Variants in ZNF77 observed in about 807,000 individuals in gnomAD.
ZNF77 encodes zinc finger protein 77.
A neutral mutation model predicts 13.5 loss-of-function variants in ZNF77; 15 were observed. The observed-to-expected ratio is 1.11, with a 90% CI of 0.74 to 1.71. The LOEUF (loss-of-function observed/expected upper bound fraction) is 1.71. Among genes scored for constraint, ZNF77 ranks in the 40% most tolerant of loss-of-function variants. The pLI is 0.00. For missense variants in ZNF77, 717 were observed against 676.4 expected (o/e 1.06, Z -0.67); for synonymous variants, 282 against 250.0 (o/e 1.13, Z -1.21).
In ZNF77 at chr19:2,944,867, G is replaced by C. The variant is rs1234698810; in HGVS notation, c.-27C>G. ...TCCCGCCCGCTCCTGGGCTCTCCAGGGTTAGCGCCCCGCGGTCCAGCGACC... is the reference window on the plus strand; with the variant it reads ...TCCCGCCCGCTCCTGGGCTCTCCAGCGTTAGCGCCCCGCGGTCCAGCGACC... On this transcript the variant is annotated 5_prime_UTR_variant, in exon 1 of 4. Coordinates refer to ENST00000314531, the MANE Select transcript of ZNF77 (RefSeq NM_021217.3). 3.9e-6 allele frequency: 6 copies of C among 1,524,342 alleles called. No homozygotes were observed. In the African/African-American group the frequency reaches 5.6e-5, roughly 14 times the overall value. The allele number at this position is 1,524,342 out of a possible 1,614,324, so 94.4% of individuals were successfully genotyped here.
intron 1 of ZNF77, among the ~76,000 whole-genome samples, chr19:2,942,569 T>C (rs546592607): frequency 1.1e-4 from 17 of 151,842 alleles, no homozygotes; most frequent in Middle Eastern, 3.4e-3. Flanking sequence ...ATAGGAACAA[T>C]ACCAATGCTG....
Position 2,933,782 on chromosome 19 carries a change from A to C in ZNF77, c.1345T>G (p.Ser449Ala). 2 of 1,612,980 alleles carry C rather than the reference A, an allele frequency of 1.2e-6. No homozygotes were observed. The highest frequency in any genetic ancestry group is 2.2e-5 in the South Asian group (2 of 91,050). Reference sequence around the variant, plus strand: ...GTTCGCACATGCTCTCGAAGGGAGGAGTGACAGCTGAAGGCTTTCCCACAA... The same window carrying C: ...GTTCGCACATGCTCTCGAAGGGAGGCGTGACAGCTGAAGGCTTTCCCACAA... ...KHCGKAFSCH[S>A]SLREHVRTHS... The change falls in exon 4 of 4, where the codon TCC becomes GCC. Residue 449 changes from serine (S) to alanine (A), a missense_variant. Ser to Ala is a moderately conservative substitution (Grantham distance 99). Transcript: ENST00000314531.
Position 2,944,818 on chromosome 19 carries a change from G to A in ZNF77, c.3+20C>T, listed in dbSNP as rs1340756305. 7 of 1,514,350 alleles carry A rather than the reference G, an allele frequency of 4.6e-6. No homozygotes were observed. The highest frequency in any genetic ancestry group is 2.3e-4 in the Middle Eastern group (1 of 4,374). 93.8% of individuals were successfully genotyped at this position (1,514,350 alleles called of 1,614,324 possible). A position where few individuals can be genotyped will look rare whatever the true frequency, so the allele number is the denominator to read the frequency against. ...CCCACCTCGCCCTGGGCCCGGGCTC[G>A]GCTCCCGCCCGGCACTCACCATGTC... On this transcript the variant is annotated intron_variant, in intron 1 of 3. Transcript: ENST00000314531.
rs550401145 is a variant in ZNF77, at chr19:2,944,882, G to A, written c.-42C>T. ...GGCTCTCCAGGGTTAGCGCCCCGCGGTCCAGCGACCGGCGCAGGTGAGCAC... is the reference window on the plus strand; with the variant it reads ...GGCTCTCCAGGGTTAGCGCCCCGCGATCCAGCGACCGGCGCAGGTGAGCAC... On this transcript the variant is annotated 5_prime_UTR_variant, in exon 1 of 4. Coordinates refer to ENST00000314531, the MANE Select transcript of ZNF77 (RefSeq NM_021217.3). The A allele has an allele frequency of 2.4e-5, 37 of 1,522,280 alleles. No individual in the cohort carries two copies. The African/African-American group carries it at 3.8e-4, about 16-fold the overall frequency. The allele number at this position is 1,522,280 out of a possible 1,614,324, so 94.3% of individuals were successfully genotyped here.
rs199748725 is a variant in ZNF77, at chr19:2,934,031, A to G, written c.1096T>C (p.Ser366Pro). The change falls in exon 4 of 4, where the codon TCT (serine) becomes CCT (proline). Residue 366 changes from serine to proline, a missense_variant. Coordinates refer to ENST00000314531, the MANE Select transcript of ZNF77 (RefSeq NM_021217.3). ...TGCATTCTCATGTGTGCTCGCAGAG[A>G]GGAGGGGTACCTGAAGGCTTTGCCG... ...ECGKAFRYPS[S>P]LRAHMRMHTG... The G allele has an allele frequency of 1.2e-6, 2 of 1,614,110 alleles. No homozygotes were observed. Among genetic ancestry groups the G allele is most frequent in the Non-Finnish European group, 1.7e-6 (2 of 1,179,972 alleles).
Position 2,933,384 on chromosome 19 carries a change from G to A in ZNF77, c.*105C>T. Reference sequence around the variant, plus strand: ...CTCTGAATTTTTAGGTACAAAATAAGTGCTATACCAGGTTTTCCTACATGC... The same window carrying A: ...CTCTGAATTTTTAGGTACAAAATAAATGCTATACCAGGTTTTCCTACATGC... On this transcript the variant is annotated 3_prime_UTR_variant, in exon 4 of 4. Coordinates refer to ENST00000314531, the MANE Select transcript of ZNF77 (RefSeq NM_021217.3). 7.3e-7 allele frequency: 1 copy of A among 1,374,468 alleles called. No homozygotes were observed. The highest frequency in any genetic ancestry group is 1.6e-5 in the South Asian group (1 of 61,236). The allele number at this position is 1,374,468 out of a possible 1,614,324, so 85.1% of individuals were successfully genotyped here.
intron 1 of ZNF77, 123 bp downstream of exon 1, chr19:2,944,715 G>A: frequency 1.5e-6 from 2 of 1,343,364 alleles, no homozygotes; most frequent in Non-Finnish European, 1.9e-6. Flanking sequence ...CCGGGGCCCA[G>A]GCGCTCGTCG....
Position 2,933,886 on chromosome 19 carries a change from CCA to C in ZNF77, c.1239_1240del (p.Cys413TrpfsTer24), listed in dbSNP as rs2088368348. 5 of 1,613,618 alleles carry C rather than the reference CCA, an allele frequency of 3.1e-6. No homozygotes were observed. The highest frequency in any genetic ancestry group is 1.1e-5 in the South Asian group (1 of 91,062). On this transcript the variant is annotated frameshift_variant, in exon 4 of 4. Coordinates refer to ENST00000314531, the MANE Select transcript of ZNF77 (RefSeq NM_021217.3). LOFTEE classifies it low-confidence loss of function (END_TRUNC). ...GGAGGAGGAAAAACTGTAGGCTTTC[CCA>C]CACTCTTTACATTGATAGGGCTTCA...
intron 1 of ZNF77, chr19:2,939,710 G>T: frequency 2.8e-6 from 1 of 357,228 alleles, no homozygotes; most frequent in East Asian, 7.1e-5. Context: ...GGTGGCTCAT[G>T]CCTGCAATCC....
chr19:2,944,844 C>T lies in ZNF77; in HGVS notation c.-4G>A. 6.6e-7 allele frequency: 1 copy of T among 1,526,450 alleles called. No individual in the cohort carries two copies. Among genetic ancestry groups the T allele is most frequent in the Non-Finnish European group, 8.7e-7 (1 of 1,143,166 alleles). The allele number at this position is 1,526,450 out of a possible 1,614,324, so 94.6% of individuals were successfully genotyped here. On this transcript the variant is annotated 5_prime_UTR_variant, in exon 1 of 4. Coordinates refer to ENST00000314531, the MANE Select transcript of ZNF77 (RefSeq NM_021217.3). ...GCTCCCGCCCGGCACTCACCATGTC[C>T]CGCCCGCTCCTGGGCTCTCCAGGGT...
At position 2,936,644 on chromosome 19, in the gene ZNF77, C is replaced by A; in HGVS notation, c.191G>T (p.Gly64Val). The change falls in exon 3 of 4, where the codon GGA (glycine) becomes GTA (valine). Residue 64 changes from glycine to valine, a missense_variant. By Grantham distance (109) the Gly-to-Val change is moderately radical. Transcript: ENST00000314531. ...TACAATCTCTTCATCATTGGATATT[C>A]CATTCCCAAAAACGTCCCTCTGAGA... is the stretch of plus-strand genomic sequence containing the variant. The part of the protein sequence containing the change: ...SSSQRDVFGN[G>V]ISNDEEIVKF... The A allele has an allele frequency of 6.2e-6, 10 of 1,610,222 alleles. No homozygotes were observed. Among genetic ancestry groups the A allele is most frequent in the Non-Finnish European group, 8.5e-6 (10 of 1,179,018 alleles).
chr19:2,934,285 G>A lies in ZNF77; in HGVS notation c.842C>T (p.Ser281Leu), dbSNP rs200003978. The A allele has an allele frequency of 6.0e-5, 97 of 1,613,412 alleles. No individual in the cohort carries two copies. Among genetic ancestry groups the A allele is most frequent in the Admixed American group, 8.3e-5 (5 of 59,964 alleles). ...TGTTCTGACATGTTCTCGAAAGTATGAGGGACAGCTGAAGGCTTTCCCACA... is the reference window on the plus strand; with the variant it reads ...TGTTCTGACATGTTCTCGAAAGTATAAGGGACAGCTGAAGGCTTTCCCACA... ...KECGKAFSCP[S>L]YFREHVRTHT... is the part of the protein sequence containing the mutation. The change falls in exon 4 of 4, where the codon TCA (serine) becomes TTA (leucine). Residue 281 changes from serine to leucine, a missense_variant. Transcript: ENST00000314531.
chr19:2,944,812 G>A, intron 1 of ZNF77, 26 bp downstream of exon 1: 3 of 1,513,420 alleles, frequency 2.0e-6, no homozygotes, highest in East Asian at 2.6e-5. Flanking sequence ...CCCTGGGCCC[G>A]GGCTCGGCTC....
At position 2,933,932 on chromosome 19, in the gene ZNF77, CA is replaced by C. The variant is rs770173934; in HGVS notation, c.1194del (p.His398GlnfsTer2). On this transcript the variant is annotated frameshift_variant, in exon 4 of 4. Coordinates refer to ENST00000314531, the MANE Select transcript of ZNF77 (RefSeq NM_021217.3). LOFTEE classifies it low-confidence loss of function (END_TRUNC). Reference protein sequence around the residue: ...AFGCPTYFRRHVKTHSGVKPY... With the variant: ...AFGCPTYFRRXVKTHSGVKPY... Reference sequence around the variant, plus strand: ...GGCTTCACCCCGCTGTGTGTTTTCACATGTCTTCTAAAGTAAGTGGGACATC... The same window carrying C: ...GGCTTCACCCCGCTGTGTGTTTTCACTGTCTTCTAAAGTAAGTGGGACATC... The C allele has an allele frequency of 1.4e-5, 22 of 1,613,818 alleles. No individual in the cohort carries two copies. Among genetic ancestry groups the C allele is most frequent in the Non-Finnish European group, 1.8e-5 (21 of 1,180,016 alleles).
chr19:2,938,176 C>G (rs72984689), intron 2 of ZNF77, among the ~76,000 whole-genome samples: 41 of 152,310 alleles, frequency 2.7e-4, no homozygotes, highest in Non-Finnish European at 5.6e-4. Context: ...GGAGTCCTTC[C>G]TCCACTATGC....
At chr19:2,941,283 G>C (rs2088446497) in intron 1 of ZNF77, among the ~76,000 whole-genome samples, 1 of 151,522 alleles carries the variant, frequency 6.6e-6, no homozygotes, top group Non-Finnish European at 1.5e-5. Context: ...TTCATGAGCA[G>C]CCTGGCCAAC....
rs1599617104 is a variant in ZNF77 at position 2,934,715 on chromosome 19, C to T, written c.412G>A (p.Glu138Lys). 20 of 1,614,042 alleles carry T rather than the reference C, an allele frequency of 1.2e-5. No homozygotes were observed. Among genetic ancestry groups the T allele is most frequent in the African/African-American group, 4.0e-5 (3 of 74,914 alleles). ...NLLVHKSYPT[E>K]AKPSECTKCG... The stretch of plus-strand genomic sequence containing the variant: ...TTAGTGCACTCAGAGGGTTTAGCTT[C>T]GGTAGGGTAACTCTTGTGCACAAGA... The change falls in exon 4 of 4, where the codon GAA (glutamate) becomes AAA (lysine). Residue 138 changes from glutamate (E) to lysine (K), a missense_variant. By Grantham distance (56) the Glu-to-Lys change is moderately conservative. Coordinates refer to ENST00000314531, the MANE Select transcript of ZNF77 (RefSeq NM_021217.3).
chr19:2,939,024 T>C (rs7251696), intron 2 of ZNF77, among the ~76,000 whole-genome samples: 9,119 of 81,574 alleles, frequency 0.11, 702 homozygotes, highest in South Asian at 0.17. Context: ...GAGGGAATGA[T>C]GCCACCCTTA....
chr19:2,937,212 G>A (rs141816187), intron 2 of ZNF77, among the ~76,000 whole-genome samples: 7,370 of 151,984 alleles, frequency 0.048, 241 homozygotes, highest in Non-Finnish European at 0.067. Flanking sequence ...TGCTGGATGC[G>A]GTGGCTCACG....
Sources: allele counts gnomAD v4.1 joint callset (sites outside exome capture counted in the v4.1 genomes callset), GRCh38; gene constraint gnomAD v4.1.1; transcripts MANE v1.5; gene names NCBI Gene and HGNC (gene_info 2026-07-23, HGNC 2026-07-21).